The following ZYG11B variants were observed in gnomAD, a reference collection of about 807,000 sequenced individuals.
ZYG11B encodes protein zyg-11 homolog B.
In ZYG11B, 36 loss-of-function variants were observed where a neutral mutation model predicts 82.4. The ratio of observed to expected loss-of-function variants is 0.44; its 90% CI spans 0.33 to 0.58. ZYG11B has a LOEUF of 0.58. ZYG11B is among the 20% of genes least tolerant of loss of function. The pLI is 0.02. For synonymous variants in ZYG11B, 303 were observed against 312.8 expected (o/e 0.97, Z 0.33); for missense variants, 552 against 895.6 (o/e 0.62, Z 4.90).
At chr1:52,796,163 C>G (rs1188665952) in intron 6 of ZYG11B, 129 bp from the exon 7 acceptor site, 13 of 608,460 alleles carry the variant, frequency 2.1e-5, no homozygotes, top group Non-Finnish European at 3.9e-5. Flanking sequence ...TTGTTACTCT[C>G]TACCAGTTAA....
chr1:52,801,448 A>G (rs1399497260), intron 8 of ZYG11B, among the ~76,000 whole-genome samples: 1 of 152,176 alleles, frequency 6.6e-6, no homozygotes, highest in Non-Finnish European at 1.5e-5. Context: ...TATAGAATAT[A>G]ATTTGCTAAT....
At chr1:52,807,609 A>T (rs1457147971) in intron 10 of ZYG11B, among the ~76,000 whole-genome samples, 2 of 150,944 alleles carry the variant, frequency 1.3e-5, no homozygotes, top group African/African-American at 2.4e-5. Flanking sequence ...CCCCAACCTC[A>T]ACTTCCTGAG....
chr1:52,796,593 G>T, intron 7 of ZYG11B, 141 bp from the exon 8 acceptor site: 2 of 851,000 alleles, frequency 2.4e-6, no homozygotes, highest in African/African-American at 1.8e-5. Flanking sequence ...GCCGAGGCAG[G>T]CCTCCCAAAA....
At chr1:52,730,725 G>T (rs935773212) in intron 1 of ZYG11B, among the ~76,000 whole-genome samples, 1 of 151,982 alleles carries the variant, frequency 6.6e-6, no homozygotes, top group African/African-American at 2.4e-5. Flanking sequence ...CATGCCTGTA[G>T]TACCATCTGC....
At chr1:52,798,560 G>A (rs920771223) in intron 8 of ZYG11B, among the ~76,000 whole-genome samples, 16 of 152,066 alleles carry the variant, frequency 1.1e-4, no homozygotes, top group Non-Finnish European at 1.6e-4. Context: ...GCAGTTAGCC[G>A]TGATGACGCC....
rs766057913 is a variant in ZYG11B, at chr1:52,772,360, C to T, written c.951+586C>T. The T allele has an allele frequency of 4.1e-5, 62 of 1,522,780 alleles. No homozygotes were observed. In the Middle Eastern group the frequency reaches 1.1e-3, roughly 28 times the overall value. 94.3% of individuals were successfully genotyped at this position (1,522,780 alleles called of 1,614,324 possible). A position where few individuals can be genotyped will look rare whatever the true frequency, so the allele number is the denominator to read the frequency against. ...GTTCCTCTCAAGATGCTTTGAACAG[C>T]AACTGCTTTCTTAATTAAATGGTAG... On this transcript the variant is annotated intron_variant, in intron 3 of 13. Transcript: ENST00000294353.
intron 1 of ZYG11B, among the ~76,000 whole-genome samples, chr1:52,728,008 C>T (rs937783123): frequency 3.9e-5 from 6 of 152,120 alleles, no homozygotes; most frequent in African/African-American, 1.4e-4. Context: ...TTCCCTAACT[C>T]ACTCCTGCAT....
chr1:52,780,117 G>C (rs1368794589), intron 4 of ZYG11B, 124 bp downstream of exon 4: 2 of 911,280 alleles, frequency 2.2e-6, no homozygotes, highest in East Asian at 5.3e-5. Flanking sequence ...GATTGATGAC[G>C]TGTGATTTCA....
intron 1 of ZYG11B, among the ~76,000 whole-genome samples, chr1:52,743,830 T>C (rs1243432757): frequency 2.6e-5 from 4 of 152,210 alleles, no homozygotes; most frequent in East Asian, 1.9e-4. Flanking sequence ...TCAACTGATA[T>C]ATTCCAAGTA....
At chr1:52,768,643 G>T (rs933231972) in intron 2 of ZYG11B, among the ~76,000 whole-genome samples, 2 of 141,856 alleles carry the variant, frequency 1.4e-5, no homozygotes, top group Non-Finnish European at 3.0e-5. Context: ...CGCCCAGGCT[G>T]GAGTGCAGTG....
rs1317438453 is a variant in ZYG11B at position 52,827,102 on chromosome 1, G to A, written c.*5473G>A. The A allele has an allele frequency of 6.6e-6, 1 of 152,184 alleles. No individual in the cohort carries two copies. The highest frequency in any genetic ancestry group is 6.5e-5 in the Admixed American group (1 of 15,270). The allele number at this position is 152,184 out of a possible 1,614,324, so 9.4% of individuals were successfully genotyped here. A position where few individuals can be genotyped will look rare whatever the true frequency, so the allele number is the denominator to read the frequency against. On this transcript the variant is annotated 3_prime_UTR_variant, in exon 14 of 14. Coordinates refer to ENST00000294353, the MANE Select transcript of ZYG11B (RefSeq NM_024646.3). ...GTTATCTTTTGTTTGAATTCTGATA[G>A]AACAGTTTAACTCCTTTCTAAGGAT...
intron 1 of ZYG11B, among the ~76,000 whole-genome samples, chr1:52,755,455 C>G (rs1240966629): frequency 6.6e-6 from 1 of 152,080 alleles, no homozygotes; most frequent in African/African-American, 2.4e-5. Flanking sequence ...ATCGTTTTGG[C>G]TATTCTAGGT....
Position 52,821,412 on chromosome 1 carries a change from TTG to T in ZYG11B, c.2045-19_2045-18del, listed in dbSNP as rs755657549. ...TTTAAGAAAAGCTATTTCTCCTGTT[TTG>T]TGTGTGTTTTTTTTTCTTTTTCAGC... On this transcript the variant is annotated intron_variant, in intron 13 of 13. Coordinates refer to ENST00000294353, the MANE Select transcript of ZYG11B (RefSeq NM_024646.3). 3.8e-5 allele frequency: 59 copies of T among 1,537,858 alleles called. No homozygotes were observed. In the South Asian group the frequency reaches 5.2e-4, roughly 14 times the overall value.
rs548670204 is a variant in ZYG11B, at chr1:52,750,563, G to A, written c.31-5895G>A. Among the ~76,000 whole-genome samples the A allele has an allele frequency of 4.6e-5, 7 of 152,272 alleles. No individual in the cohort carries two copies. In the South Asian group the frequency reaches 8.3e-4, roughly 18 times the overall value. Reference sequence around the variant, plus strand: ...GCTGAGATTACAGGTGTGAGCCATCGTGCCTGACTCTGGCAACTATTTTTA... The same window carrying A: ...GCTGAGATTACAGGTGTGAGCCATCATGCCTGACTCTGGCAACTATTTTTA... On this transcript the variant is annotated intron_variant, in intron 1 of 13. Coordinates refer to ENST00000294353, the MANE Select transcript of ZYG11B (RefSeq NM_024646.3).
chr1:52,803,129 TATATACACACATATA>T (rs1558140157), intron 10 of ZYG11B, among the ~76,000 whole-genome samples: 2 of 76,932 alleles, frequency 2.6e-5, no homozygotes, highest in African/African-American at 1.7e-4. Flanking sequence ...CACACATATA[TATATACACACATATA>T]TATATATATA....
chr1:52,753,147 C>T (rs1179929186), intron 1 of ZYG11B, among the ~76,000 whole-genome samples: 1 of 152,154 alleles, frequency 6.6e-6, no homozygotes, highest in Non-Finnish European at 1.5e-5. Flanking sequence ...TGCCTGACCT[C>T]AGACCACTTT....
At chr1:52,751,921 C>T (rs1483553694) in intron 1 of ZYG11B, among the ~76,000 whole-genome samples, 1 of 151,502 alleles carries the variant, frequency 6.6e-6, no homozygotes, top group African/African-American at 2.4e-5. Flanking sequence ...CTGTTTTCTC[C>T]TACTGTACTC....
intron 4 of ZYG11B, among the ~76,000 whole-genome samples, chr1:52,781,696 C>A (rs1218342466): frequency 6.6e-6 from 1 of 152,120 alleles, no homozygotes; most frequent in Admixed American, 6.6e-5. Context: ...GGGCACAATT[C>A]CAAGAGATGG....
At chr1:52,758,028 C>T (rs968622431) in intron 2 of ZYG11B, among the ~76,000 whole-genome samples, 11 of 151,536 alleles carry the variant, frequency 7.3e-5, no homozygotes, top group South Asian at 4.2e-4. Context: ...GGTGAAACCC[C>T]GTCTTTACTA....
Sources: gnomAD v4.1 joint callset for allele counts (sites outside exome capture counted in the v4.1 genomes callset) on GRCh38, gnomAD v4.1.1 for gene constraint, MANE v1.5 for transcripts, NCBI Gene and HGNC (gene_info 2026-07-23, HGNC 2026-07-21) for gene names.